Variants in ADAMTS18 observed in about 807,000 individuals in gnomAD.
ADAMTS18 encodes A disintegrin and metalloproteinase with thrombospondin motifs 18.
ADAMTS18 carries 157 observed loss-of-function variants against 165.9 expected under a neutral mutation model. The ratio of observed to expected loss-of-function variants is 0.95; its 90% CI spans 0.83 to 1.08. ADAMTS18 has a LOEUF of 1.08. Ranked by LOEUF, ADAMTS18 falls within the 50% of genes least tolerant of loss-of-function variation. The pLI is 0.00. For synonymous variants in ADAMTS18, 782 were observed against 578.2 expected, an observed-to-expected ratio of 1.35 and a Z score of -5.06; for missense variants, 2,040 against 1,534.0, an observed-to-expected ratio of 1.33 and a Z score of -5.51.
intron 3 of ADAMTS18, among the ~76,000 whole-genome samples, chr16:77,425,898 T>G (rs1413272771): frequency 6.6e-6 from 1 of 151,920 alleles, no homozygotes; most frequent in African/African-American, 2.4e-5. Flanking sequence ...ACAAAAAAAT[T>G]AGCCAGGCGT....
intron 11 of ADAMTS18, 126 bp downstream of exon 11, chr16:77,341,578 T>G (rs1465201801): frequency 1.1e-5 from 9 of 783,022 alleles, no homozygotes. Context: ...ATAATGTTGT[T>G]AATATGAAGA....
chr16:77,338,969 AAAGT>A (rs1486068441), intron 11 of ADAMTS18, among the ~76,000 whole-genome samples: 2 of 151,882 alleles, frequency 1.3e-5, no homozygotes, highest in African/African-American at 2.4e-5. Flanking sequence ...AAAAAAAAAA[AAAGT>A]AAGTGACTTT....
At chr16:77,410,875 T>C (rs1455661420) in intron 3 of ADAMTS18, among the ~76,000 whole-genome samples, 1 of 152,174 alleles carries the variant, frequency 6.6e-6, no homozygotes, top group Non-Finnish European at 1.5e-5. Context: ...CGACAAATCA[T>C]TCTAAAACCT....
chr16:77,357,303 A>G (rs1481779473), intron 8 of ADAMTS18, among the ~76,000 whole-genome samples: 1 of 152,148 alleles, frequency 6.6e-6, no homozygotes, highest in Non-Finnish European at 1.5e-5. Flanking sequence ...GGAAAATAGT[A>G]GCAGGGCAAC....
chr16:77,375,483 C>T (rs781534527), intron 3 of ADAMTS18, among the ~76,000 whole-genome samples: 2 of 152,096 alleles, frequency 1.3e-5, no homozygotes, highest in African/African-American at 2.4e-5. Flanking sequence ...GGGGAGGTAA[C>T]GGAACACTTT....
At chr16:77,383,776 C>T (rs1245934106) in intron 3 of ADAMTS18, among the ~76,000 whole-genome samples, 2 of 152,116 alleles carry the variant, frequency 1.3e-5, no homozygotes, top group Admixed American at 6.5e-5. Flanking sequence ...CTCCTGACAT[C>T]GTGATCCGCC....
chr16:77,306,558 T>C (rs899354509), intron 16 of ADAMTS18, among the ~76,000 whole-genome samples: 1 of 152,154 alleles, frequency 6.6e-6, no homozygotes, highest in African/African-American at 2.4e-5. Context: ...TTAAGGCCTC[T>C]TTTTTTCTTC....
intron 10 of ADAMTS18, among the ~76,000 whole-genome samples, chr16:77,349,524 TAAAAAAA>T (rs767997537): frequency 1.1e-4 from 8 of 71,516 alleles, no homozygotes; most frequent in African/African-American, 3.5e-4. Context: ...TCATCTTATG[TAAAAAAA>T]AAAAAAAAAA....
intron 3 of ADAMTS18, among the ~76,000 whole-genome samples, chr16:77,371,558 G>T (rs1320786942): frequency 6.6e-6 from 1 of 152,078 alleles, no homozygotes; most frequent in East Asian, 1.9e-4. Flanking sequence ...AATAATGCTG[G>T]AAAAACTGGA....
In ADAMTS18 at chr16:77,359,427, T is replaced by C. The variant is rs575905738; in HGVS notation, c.1217-4A>G. ...ATTCCACTGATGGGGGCAAACCCTA[T>C]TGAAAGAGCAGTTTCAAATGTGAAT... On this transcript the variant is annotated splice_polypyrimidine_tract_variant and splice_region_variant and intron_variant, in intron 7 of 22. Coordinates refer to ENST00000282849, the MANE Select transcript of ADAMTS18 (RefSeq NM_199355.4). 8.1e-6 allele frequency: 13 copies of C among 1,612,194 alleles called. No individual in the cohort carries two copies. Among genetic ancestry groups the C allele is most frequent in the Non-Finnish European group, 6.8e-6 (8 of 1,179,148 alleles).
intron 6 of ADAMTS18, among the ~76,000 whole-genome samples, chr16:77,362,862 A>G (rs1006842199): frequency 2.0e-5 from 3 of 152,220 alleles, no homozygotes; most frequent in Non-Finnish European, 4.4e-5. Context: ...TCAGTTAATT[A>G]GGATGTGGCT....
intron 8 of ADAMTS18, among the ~76,000 whole-genome samples, chr16:77,357,075 A>G (rs1265799069): frequency 6.8e-6 from 1 of 146,924 alleles, no homozygotes; most frequent in African/African-American, 2.5e-5. Flanking sequence ...TCTTAATCTC[A>G]TTATTTAAAA....
At chr16:77,334,896 GTA>G (rs963074770) in intron 12 of ADAMTS18, among the ~76,000 whole-genome samples, 119 of 133,518 alleles carry the variant, frequency 8.9e-4, no homozygotes, top group Non-Finnish European at 1.6e-3. Context: ...ATAATATACA[GTA>G]TATATACTGT....
chr16:77,307,229 C>T (rs550349543), intron 16 of ADAMTS18, among the ~76,000 whole-genome samples: 22 of 152,266 alleles, frequency 1.4e-4, no homozygotes, highest in Middle Eastern at 3.4e-3. Flanking sequence ...CTGTGTCTCA[C>T]GGAAAGAATG....
intron 3 of ADAMTS18, among the ~76,000 whole-genome samples, chr16:77,405,937 G>A (rs1193309346): frequency 1.3e-5 from 2 of 151,956 alleles, no homozygotes; most frequent in African/African-American, 4.8e-5. Flanking sequence ...AGAAAGTGAC[G>A]ATCTAATAAT....
chr16:77,423,221 A>C (rs892488187), intron 3 of ADAMTS18, among the ~76,000 whole-genome samples: 1 of 152,214 alleles, frequency 6.6e-6, no homozygotes, highest in Non-Finnish European at 1.5e-5. Context: ...GTTTTAGCTG[A>C]ATCTCTTCTC....
intron 18 of ADAMTS18, among the ~76,000 whole-genome samples, chr16:77,296,338 T>A (rs2055471310): frequency 1.3e-5 from 2 of 152,186 alleles, no homozygotes; most frequent in Non-Finnish European, 2.9e-5. Context: ...CCACTTGGCC[T>A]ATACCCCATT....
intron 16 of ADAMTS18, among the ~76,000 whole-genome samples, chr16:77,312,735 C>A (rs1467483280): frequency 6.6e-6 from 1 of 152,088 alleles, no homozygotes; most frequent in East Asian, 1.9e-4. Flanking sequence ...AAATCAAAAC[C>A]ACAATAAGAT....
At chr16:77,293,706 G>A (rs1015306814) in intron 19 of ADAMTS18, among the ~76,000 whole-genome samples, 5 of 150,220 alleles carry the variant, frequency 3.3e-5, no homozygotes, top group African/African-American at 1.2e-4. Context: ...GGTGCTTTGG[G>A]GATAAAACTG....
Sources: allele counts gnomAD v4.1 joint callset (sites outside exome capture counted in the v4.1 genomes callset), GRCh38; gene constraint gnomAD v4.1.1; transcripts MANE v1.5; gene names NCBI Gene and HGNC (gene_info 2026-07-23, HGNC 2026-07-21).